The following HTR4 variants were observed in gnomAD, a reference collection of about 807,000 sequenced individuals.
HTR4 encodes the protein 5-hydroxytryptamine receptor 4.
HTR4 carries 16 observed loss-of-function variants against 36.8 expected under a neutral mutation model. The ratio of observed to expected loss-of-function variants is 0.43; its 90% CI spans 0.29 to 0.66. The LOEUF (loss-of-function observed/expected upper bound fraction) is 0.66. Ranked by LOEUF, HTR4 falls within the 30% of genes least tolerant of loss-of-function variation. The pLI is 0.13. For missense variants in HTR4, 438 were observed against 490.9 expected, an observed-to-expected ratio of 0.89 and a Z score of 1.02; for synonymous variants, 189 against 185.1, an observed-to-expected ratio of 1.02 and a Z score of -0.17.
At chr5:148,466,216 G>GT (rs1755424625) in intron 5 of HTR4, among the ~76,000 whole-genome samples, 1 of 152,138 alleles carries the variant, frequency 6.6e-6, no homozygotes, top group Admixed American at 6.5e-5. Context: ...AATTTACCAA[G>GT]TAAGGAAACT....
intron 4 of HTR4, among the ~76,000 whole-genome samples, chr5:148,537,261 A>T (rs1425284669): frequency 6.6e-6 from 1 of 152,134 alleles, no homozygotes; most frequent in Non-Finnish European, 1.5e-5. Context: ...AATTCATAGC[A>T]CTAAATGCTC....
At chr5:148,515,001 A>G (rs1406141444) in intron 5 of HTR4, among the ~76,000 whole-genome samples, 1 of 152,062 alleles carries the variant, frequency 6.6e-6, no homozygotes, top group African/African-American at 2.4e-5. Context: ...TTTAGCATCT[A>G]TTCTTTAAAT....
At chr5:148,532,142 C>A (rs1758599033) in intron 4 of HTR4, among the ~76,000 whole-genome samples, 1 of 152,114 alleles carries the variant, frequency 6.6e-6, no homozygotes. Context: ...GAGTGGGGTG[C>A]CACAAGGACA....
intron 2 of HTR4, among the ~76,000 whole-genome samples, chr5:148,619,985 G>A (rs576213306): frequency 2.0e-5 from 3 of 152,192 alleles, no homozygotes; most frequent in Admixed American, 2.0e-4. Flanking sequence ...AAATAGCCAG[G>A]GTACAAGAAC....
At chr5:148,464,916 A>G (rs931861863) in intron 5 of HTR4, among the ~76,000 whole-genome samples, 15 of 152,342 alleles carry the variant, frequency 9.8e-5, no homozygotes, top group African/African-American at 3.6e-4. Flanking sequence ...CTATCAAACC[A>G]TGAACAGACA....
chr5:148,637,234 C>A (rs970406486), intron 1 of HTR4, among the ~76,000 whole-genome samples, 173 bp from the exon 2 acceptor site: 44 of 152,098 alleles, frequency 2.9e-4, no homozygotes, highest in African/African-American at 1.0e-3. Context: ...TATGGTACAG[C>A]CGAGTGTCAC....
At chr5:148,611,501 C>T (rs1201170244) in intron 2 of HTR4, among the ~76,000 whole-genome samples, 1 of 131,606 alleles carries the variant, frequency 7.6e-6, no homozygotes, top group Non-Finnish European at 1.6e-5. Context: ...ACCACCAGGC[C>T]TGCCCTAAAA....
At position 148,483,246 on chromosome 5, in the gene HTR4, G is replaced by T. The variant is rs776602296; in HGVS notation, c.1124C>A (p.Pro375Gln). Residue 375 changes from proline (P) to glutamine (Q), a missense_variant, in exon 7 of 7, where the codon CCA becomes CAA. By Grantham distance (76) the Pro-to-Gln change is moderately conservative (BLOSUM62 -1). Coordinates refer to ENST00000377888, the MANE Select transcript of HTR4 (RefSeq NM_000870.7). ...GGQWESQCHP[P>Q]ATSPLVAAQP... ...AGCAGCCACCAAAGGAGAAGTTGCT[G>T]GCGGGTGACACTGACTCTCCCACTG... is the stretch of plus-strand genomic sequence containing the variant. The T allele has an allele frequency of 4.3e-6, 7 of 1,614,002 alleles. No individual in the cohort carries two copies. Among genetic ancestry groups the T allele is most frequent in the Non-Finnish European group, 5.9e-6 (7 of 1,179,942 alleles).
intron 2 of HTR4, among the ~76,000 whole-genome samples, chr5:148,565,135 A>G (rs1191083663): frequency 1.3e-5 from 2 of 151,880 alleles, no homozygotes; most frequent in African/African-American, 4.8e-5. Context: ...AAGATTAATA[A>G]ATCTAAATCT....
At chr5:148,576,127 A>AAAAAAAAAAAAAAAAAAAAAAAAAAAT in intron 2 of HTR4, among the ~76,000 whole-genome samples, 1 of 149,356 alleles carries the variant, frequency 6.7e-6, no homozygotes, top group Non-Finnish European at 1.5e-5. Context: ...AAAAAAAAAA[A>AAAAAAAAAAAAAAAAAAAAAAAAAAAT]AAAAAACAAA....
intron 2 of HTR4, among the ~76,000 whole-genome samples, chr5:148,557,452 C>T (rs922568142): frequency 2.0e-5 from 3 of 152,018 alleles, no homozygotes; most frequent in South Asian, 2.1e-4. Context: ...ATAGGACATT[C>T]GAGTGAAGAC....
intron 5 of HTR4, chr5:148,465,877 T>A: frequency 6.2e-7 from 1 of 1,613,066 alleles, no homozygotes; most frequent in Non-Finnish European, 8.5e-7. Context: ...AGACAGGAAC[T>A]GGTCTATTGC....
rs997378640 is a variant in HTR4, at chr5:148,482,362, T to G, written c.*841A>C. The G allele has an allele frequency of 1.0e-6, 1 of 985,372 alleles. No homozygotes were observed. Among genetic ancestry groups the G allele is most frequent in the African/African-American group, 1.7e-5 (1 of 57,234 alleles). 61.0% of individuals were successfully genotyped at this position (985,372 alleles called of 1,614,324 possible). On this transcript the variant is annotated 3_prime_UTR_variant, in exon 7 of 7. Coordinates refer to ENST00000377888, the MANE Select transcript of HTR4 (RefSeq NM_000870.7). ...TGTTGCTAGCCCTGCCCAAGGCTTTTTAGAAGACGTCCCGTTCTAGCCCAG... is the reference window on the plus strand; with the variant it reads ...TGTTGCTAGCCCTGCCCAAGGCTTTGTAGAAGACGTCCCGTTCTAGCCCAG...
At chr5:148,475,342 T>G (rs898947350), downstream of HTR4, among the ~76,000 whole-genome samples, 2 of 152,208 alleles carry the variant, frequency 1.3e-5, no homozygotes, top group African/African-American at 4.8e-5. Flanking sequence ...GAGAATTAAA[T>G]GTTACCAAAT....
At position 148,482,654 on chromosome 5, in the gene HTR4, T is replaced by A; in HGVS notation, c.*549A>T. The A allele has an allele frequency of 1.0e-6, 1 of 988,654 alleles. No individual in the cohort carries two copies. Among genetic ancestry groups the A allele is most frequent in the Non-Finnish European group, 1.2e-6 (1 of 831,708 alleles). The allele number at this position is 988,654 out of a possible 1,614,324, so 61.2% of individuals were successfully genotyped here. On this transcript the variant is annotated 3_prime_UTR_variant, in exon 7 of 7. Transcript: ENST00000377888. Reference sequence around the variant, plus strand: ...TTGGACCCAGACACAGGGAGAAAAGTGTGTTAGCGTCTGGCACAGAACAGG... The same window carrying A: ...TTGGACCCAGACACAGGGAGAAAAGAGTGTTAGCGTCTGGCACAGAACAGG...
At chr5:148,505,868 A>G (rs1323215057) in intron 6 of HTR4, among the ~76,000 whole-genome samples, 1 of 152,192 alleles carries the variant, frequency 6.6e-6, no homozygotes, top group Non-Finnish European at 1.5e-5. Context: ...TCAACGAAAT[A>G]AAAGAGGACA....
At chr5:148,604,390 C>A (rs940190057) in intron 2 of HTR4, among the ~76,000 whole-genome samples, 2 of 152,098 alleles carry the variant, frequency 1.3e-5, no homozygotes, top group African/African-American at 4.8e-5. Context: ...TCAATACCAG[C>A]ATTTGCCAGG....
intron 1 of HTR4, among the ~76,000 whole-genome samples, chr5:148,651,463 G>A (rs1754031501): frequency 6.6e-6 from 1 of 152,086 alleles, no homozygotes; most frequent in African/African-American, 2.4e-5. Context: ...CAACTGGAGT[G>A]GTAGGAGGAG....
At chr5:148,571,538 T>C (rs1025805534) in intron 2 of HTR4, among the ~76,000 whole-genome samples, 1 of 152,106 alleles carries the variant, frequency 6.6e-6, no homozygotes, top group Non-Finnish European at 1.5e-5. Flanking sequence ...GTGGATTTCA[T>C]TTCAGTATTG....
Sources: gnomAD v4.1 joint callset for allele counts (sites outside exome capture counted in the v4.1 genomes callset) on GRCh38, gnomAD v4.1.1 for gene constraint, MANE v1.5 for transcripts, NCBI Gene and HGNC (gene_info 2026-07-23, HGNC 2026-07-21) for gene names.